Variants in TBC1D32 observed in about 807,000 individuals in gnomAD.
TBC1D32 encodes protein broad-minded.
TBC1D32 carries 151 observed loss-of-function variants against 170.3 expected under a neutral mutation model. That is an observed-to-expected ratio of 0.89 (90% CI 0.78 to 1.01). The LOEUF (loss-of-function observed/expected upper bound fraction) is 1.01. Ranked by LOEUF, TBC1D32 falls within the 50% of genes least tolerant of loss-of-function variation. The pLI, the probability that TBC1D32 is intolerant of heterozygous loss-of-function variation, is 0.00. For missense variants in TBC1D32, 1,464 were observed against 1,457.1 expected (o/e 1.00, Z -0.08); for synonymous variants, 498 against 488.0 (o/e 1.02, Z -0.27).
intron 24 of TBC1D32, among the ~76,000 whole-genome samples, chr6:121,141,697 G>T (rs183641998): frequency 6.6e-6 from 1 of 151,978 alleles, no homozygotes; most frequent in Admixed American, 6.6e-5. Context: ...ATAATCCAGC[G>T]ACTCCAATCC....
chr6:121,203,032 T>C (rs1285124786), intron 22 of TBC1D32, among the ~76,000 whole-genome samples: 1 of 151,192 alleles, frequency 6.6e-6, no homozygotes, highest in African/African-American at 2.5e-5. Flanking sequence ...CATTAATGGA[T>C]AATCCACTGA....
intron 10 of TBC1D32, among the ~76,000 whole-genome samples, chr6:121,296,041 GA>G (rs1423534097): frequency 6.6e-6 from 1 of 152,066 alleles, no homozygotes. Flanking sequence ...GTTTCTATGT[GA>G]ACAGCACCCC....
chr6:121,129,891 A>C, intron 25 of TBC1D32: 1 of 451,998 alleles, frequency 2.2e-6, no homozygotes, highest in Non-Finnish European at 4.4e-6. Flanking sequence ...TCTCGATGGT[A>C]TCTCACACAG....
At chr6:121,303,971 G>T (rs1052126099) in intron 8 of TBC1D32, among the ~76,000 whole-genome samples, 4 of 151,686 alleles carry the variant, frequency 2.6e-5, no homozygotes, top group African/African-American at 4.8e-5. Flanking sequence ...TTCCTTTTCA[G>T]ACTCACAGAT....
At chr6:121,171,490 G>A (rs987592345) in intron 22 of TBC1D32, among the ~76,000 whole-genome samples, 9 of 151,760 alleles carry the variant, frequency 5.9e-5, no homozygotes, top group African/African-American at 2.2e-4. Context: ...CAGTAATGAA[G>A]GTTTTTTGTT....
At chr6:121,142,926 C>T (rs1471068659) in intron 24 of TBC1D32, among the ~76,000 whole-genome samples, 1 of 152,144 alleles carries the variant, frequency 6.6e-6, no homozygotes, top group Non-Finnish European at 1.5e-5. Context: ...TTAACAGCTC[C>T]TAACATGCTA....
intron 24 of TBC1D32, among the ~76,000 whole-genome samples, chr6:121,146,261 C>T (rs932933812): frequency 6.6e-6 from 1 of 152,008 alleles, no homozygotes; most frequent in South Asian, 2.1e-4. Context: ...TCTGGAGATC[C>T]AGAAATAAGG....
chr6:121,320,304 G>A (rs908552478), intron 2 of TBC1D32, among the ~76,000 whole-genome samples: 3 of 150,274 alleles, frequency 2.0e-5, no homozygotes, highest in Admixed American at 6.6e-5. Flanking sequence ...AACATTTACC[G>A]AGTCATTTAA....
At chr6:121,244,003 C>T (rs757858390) in intron 17 of TBC1D32, among the ~76,000 whole-genome samples, 8 of 151,728 alleles carry the variant, frequency 5.3e-5, no homozygotes, top group Admixed American at 1.3e-4. Flanking sequence ...TAAAGGCAAA[C>T]GAGGGAGTAA....
At chr6:121,203,531 G>A (rs1791865732) in intron 22 of TBC1D32, among the ~76,000 whole-genome samples, 1 of 151,394 alleles carries the variant, frequency 6.6e-6, no homozygotes, top group African/African-American at 2.5e-5. Context: ...AGAAAGACAT[G>A]AAGAACTGCT....
chr6:121,161,135 A>G, intron 22 of TBC1D32, 79 bp from the exon 23 acceptor site: 1 of 1,072,088 alleles, frequency 9.3e-7, no homozygotes, highest in East Asian at 2.5e-5. Flanking sequence ...TCTGGATTGT[A>G]AAGAAAAAAG....
intron 24 of TBC1D32, among the ~76,000 whole-genome samples, chr6:121,136,234 A>G (rs1312097963): frequency 6.6e-6 from 1 of 152,226 alleles, no homozygotes; most frequent in Non-Finnish European, 1.5e-5. Flanking sequence ...TCTCAGTAAA[A>G]AGAGACAAGT....
chr6:121,225,390 T>A (rs1794947437), intron 20 of TBC1D32, among the ~76,000 whole-genome samples: 2 of 152,038 alleles, frequency 1.3e-5, no homozygotes, highest in African/African-American at 4.8e-5. Context: ...CATGAATAAA[T>A]CCTTTATTTT....
chr6:121,160,834 C>A, intron 23 of TBC1D32, 114 bp downstream of exon 23: 1 of 763,958 alleles, frequency 1.3e-6, no homozygotes, highest in Non-Finnish European at 2.3e-6. Context: ...GTAATAAGTT[C>A]AACTCTGTGA....
chr6:121,210,870 C>T (rs1792941122), intron 21 of TBC1D32, among the ~76,000 whole-genome samples: 1 of 152,146 alleles, frequency 6.6e-6, no homozygotes, highest in African/African-American at 2.4e-5. Flanking sequence ...AAGTCCCTAG[C>T]TAACAGCCAC....
intron 17 of TBC1D32, among the ~76,000 whole-genome samples, chr6:121,246,414 A>C (rs1375100199): frequency 2.6e-5 from 4 of 152,044 alleles, no homozygotes; most frequent in Admixed American, 2.6e-4. Context: ...AATTCAAAAA[A>C]CAAGTTGAAG....
intron 24 of TBC1D32, among the ~76,000 whole-genome samples, chr6:121,145,671 T>G (rs1783337679): frequency 6.6e-6 from 1 of 152,188 alleles, no homozygotes; most frequent in Non-Finnish European, 1.5e-5. Context: ...ATTTAGCCAT[T>G]CCACAATGTA....
chr6:121,185,958 T>A (rs555161082), intron 22 of TBC1D32, among the ~76,000 whole-genome samples: 7 of 152,046 alleles, frequency 4.6e-5, no homozygotes, highest in Non-Finnish European at 1.0e-4. Flanking sequence ...TCCCACAAAA[T>A]GCTCTGAACT....
intron 29 of TBC1D32, among the ~76,000 whole-genome samples, chr6:121,111,682 C>T (rs1259753458): frequency 1.3e-5 from 2 of 152,022 alleles, no homozygotes; most frequent in Non-Finnish European, 2.9e-5. Flanking sequence ...TGAAGCATAA[C>T]ATTATAAAAT....
Sources: allele counts gnomAD v4.1 joint callset (sites outside exome capture counted in the v4.1 genomes callset), GRCh38; gene constraint gnomAD v4.1.1; transcripts MANE v1.5; gene names NCBI Gene and HGNC (gene_info 2026-07-23, HGNC 2026-07-21).